Variants in KIF5B observed in about 807,000 individuals in gnomAD.
The protein encoded by KIF5B is kinesin-1 heavy chain.
In KIF5B, 49 loss-of-function variants were observed where a neutral mutation model predicts 132.8. The ratio of observed to expected loss-of-function variants is 0.37; its 90% CI spans 0.29 to 0.47. KIF5B has a LOEUF of 0.47. Ranked by LOEUF, KIF5B falls within the 20% of genes least tolerant of loss-of-function variation. KIF5B has a pLI of 1.00. For synonymous variants in KIF5B, 355 were observed against 369.4 expected (o/e 0.96, Z 0.45); for missense variants, 780 against 1,144.0 (o/e 0.68, Z 4.59).
At chr10:32,027,487 A>G (rs1237234721) in intron 15 of KIF5B, among the ~76,000 whole-genome samples, 1 of 97,866 alleles carries the variant, frequency 1.0e-5, no homozygotes, top group Non-Finnish European at 2.3e-5. Flanking sequence ...CTCTACTATT[A>G]TATGTTTGAA....
chr10:32,039,315 C>G lies in KIF5B; in HGVS notation c.393+12G>C. On this transcript the variant is annotated intron_variant, in intron 4 of 25. Coordinates refer to ENST00000302418, the MANE Select transcript of KIF5B (RefSeq NM_004521.3). Reference sequence around the variant, plus strand: ...TGTAAAATAAAATATAATCTTTCCTCAAGGAATTTACCTTAATATGAAATT... The same window carrying G: ...TGTAAAATAAAATATAATCTTTCCTGAAGGAATTTACCTTAATATGAAATT... The G allele has an allele frequency of 1.1e-6, 1 of 877,482 alleles. No homozygotes were observed. Among genetic ancestry groups the G allele is most frequent in the East Asian group, 2.6e-5 (1 of 38,816 alleles). 54.4% of individuals were successfully genotyped at this position (877,482 alleles called of 1,614,324 possible). A position where few individuals can be genotyped will look rare whatever the true frequency, so the allele number is the denominator to read the frequency against.
chr10:32,055,863 G>A lies in KIF5B; in HGVS notation c.111C>T (p.Asp37=), dbSNP rs1357981170. ...DKYIAKFQGE[D]TVVIASKPYA... ...GGTCACTCACCGCGATCACGACCGT[G>A]TCTTCTCCCTGAAACTTGGCGATGT... The change falls in exon 1 of 26, where the codon GAC becomes GAT. Residue 37 remains aspartate (D), a synonymous_variant. Transcript: ENST00000302418. 1 of 1,612,660 alleles carries A rather than the reference G, an allele frequency of 6.2e-7. No individual in the cohort carries two copies. Among genetic ancestry groups the A allele is most frequent in the African/African-American group, 1.3e-5 (1 of 74,936 alleles).
Position 32,015,527 on chromosome 10 carries a change from G to GT in KIF5B, c.*1_*2insA, listed in dbSNP as rs1174397943. The GT allele has an allele frequency of 1.2e-6, 2 of 1,607,046 alleles. No homozygotes were observed. Among genetic ancestry groups the GT allele is most frequent in the Admixed American group, 3.4e-5 (2 of 58,570 alleles). On this transcript the variant is annotated 3_prime_UTR_variant, in exon 25 of 26. Transcript: ENST00000302418. Reference sequence around the variant, plus strand: ...AACAAACCTGTGGGTATGTATAAACGATTACACTTGTTTGCCTCCTCCACC... The same window carrying GT: ...AACAAACCTGTGGGTATGTATAAACGTATTACACTTGTTTGCCTCCTCCACC...
intron 2 of KIF5B, among the ~76,000 whole-genome samples, chr10:32,044,753 C>G (rs1013524661): frequency 6.6e-6 from 1 of 152,008 alleles, no homozygotes; most frequent in African/African-American, 2.4e-5. Flanking sequence ...TTAACAACTC[C>G]TAGTACCTAT....
intron 2 of KIF5B, among the ~76,000 whole-genome samples, chr10:32,040,853 T>G (rs913111953): frequency 6.6e-6 from 1 of 151,808 alleles, no homozygotes; most frequent in African/African-American, 2.4e-5. Context: ...CTGGGCTTGG[T>G]GGCGCGTGCC....
chr10:32,021,052 G>T lies in KIF5B; in HGVS notation c.2174C>A (p.Ala725Glu). ...AAGATCAGTAATAAGTTTTGCTTTT[G>T]CTTCTACTTCATCTCTCAAACTACT... ...QISSLRDEVE[A>E]KAKLITDLQD... Residue 725 changes from alanine (A) to glutamate (E), a missense_variant, in exon 19 of 26, where the codon GCA becomes GAA. By Grantham distance (107) the Ala-to-Glu change is moderately radical. Coordinates refer to ENST00000302418, the MANE Select transcript of KIF5B (RefSeq NM_004521.3). The T allele has an allele frequency of 6.2e-7, 1 of 1,611,200 alleles. No homozygotes were observed. The highest frequency in any genetic ancestry group is 8.5e-7 in the Non-Finnish European group (1 of 1,177,662).
At chr10:32,021,186 T>C (rs760372639) in intron 18 of KIF5B, 40 bp downstream of exon 18, 1 of 1,595,810 alleles carries the variant, frequency 6.3e-7, no homozygotes, top group Non-Finnish European at 8.6e-7. Flanking sequence ...AAATTAATAC[T>C]GATTAATTAA....
rs201556800 is a variant in KIF5B at position 32,021,147 on chromosome 10, G to T, written c.2095-16C>A. 1.2e-4 allele frequency: 198 copies of T among 1,608,564 alleles called. No individual in the cohort carries two copies. The highest frequency in any genetic ancestry group is 1.6e-4 in the Middle Eastern group (1 of 6,064). ...CAACAGCTTGCTAAAATTTTGGGGG[G>T]GAAAAGGATGTTAAAGTCAGACTAA... On this transcript the variant is annotated splice_polypyrimidine_tract_variant and intron_variant, in intron 18 of 25. Coordinates refer to ENST00000302418, the MANE Select transcript of KIF5B (RefSeq NM_004521.3).
chr10:32,049,188 T>C (rs138527302), intron 1 of KIF5B, among the ~76,000 whole-genome samples: 1 of 152,342 alleles, frequency 6.6e-6, no homozygotes, highest in East Asian at 1.9e-4. Flanking sequence ...TGAGATGACA[T>C]GCTAGAATGA....
intron 2 of KIF5B, 72 bp downstream of exon 2, chr10:32,048,392 C>G: frequency 1.0e-6 from 1 of 981,106 alleles, no homozygotes; most frequent in Non-Finnish European, 1.5e-6. Context: ...AAAAAGGAAG[C>G]TGAGTAAGTA....
At chr10:32,012,075 G>A (rs1841090725) in intron 25 of KIF5B, among the ~76,000 whole-genome samples, 1 of 152,132 alleles carries the variant, frequency 6.6e-6, no homozygotes, top group African/African-American at 2.4e-5. Context: ...ACTATGCAAG[G>A]CAGAAGACTA....
At chr10:32,026,868 A>C (rs1841340900) in intron 15 of KIF5B, among the ~76,000 whole-genome samples, 1 of 152,202 alleles carries the variant, frequency 6.6e-6, no homozygotes, top group African/African-American at 2.4e-5. Context: ...AATAGGGCCG[A>C]AATGTTCAGA....
At chr10:32,034,111 ATTT>A (rs11288781) in intron 11 of KIF5B, 73 bp from the exon 12 acceptor site, 1,133 of 691,800 alleles carry the variant, frequency 1.6e-3, no homozygotes, top group East Asian at 5.0e-3. Context: ...TCCTTTAAAA[ATTT>A]TTTTTTTTTT....
intron 15 of KIF5B, among the ~76,000 whole-genome samples, chr10:32,025,906 A>G (rs1330257256): frequency 1.3e-5 from 2 of 152,374 alleles, no homozygotes; most frequent in African/African-American, 4.8e-5. Context: ...TTCCAACTAT[A>G]TAACATTTTG....
At chr10:32,033,758 G>A (rs1180470127) in intron 12 of KIF5B, 87 bp downstream of exon 12, 4 of 819,768 alleles carry the variant, frequency 4.9e-6, no homozygotes, top group Non-Finnish European at 7.8e-6. Context: ...AGTGCCCACA[G>A]CACTGAAATG....
At position 32,055,860 on chromosome 10, in the gene KIF5B, C is replaced by A; in HGVS notation, c.114G>T (p.Thr38=). The change falls in exon 1 of 26, where the codon ACG becomes ACT. Residue 38 remains threonine (T), a synonymous_variant. Transcript: ENST00000302418. ...GGGGGTCACTCACCGCGATCACGAC[C>A]GTGTCTTCTCCCTGAAACTTGGCGA... ...KYIAKFQGED[T]VVIASKPYAF... 6.2e-7 allele frequency: 1 copy of A among 1,612,694 alleles called. No individual in the cohort carries two copies. The highest frequency in any genetic ancestry group is 1.1e-5 in the South Asian group (1 of 91,076).
chr10:32,013,468 G>A (rs541958552), intron 25 of KIF5B, among the ~76,000 whole-genome samples: 1 of 152,254 alleles, frequency 6.6e-6, no homozygotes, highest in Non-Finnish European at 1.5e-5. Flanking sequence ...AGATAACTGG[G>A]CCTACTCAGT....
chr10:32,015,513 G>C lies in KIF5B; in HGVS notation c.*16C>G, dbSNP rs1350029091. ...AGCCAGATATAAATAACAAACCTGTGGGTATGTATAAACGATTACACTTGT... is the reference window on the plus strand; with the variant it reads ...AGCCAGATATAAATAACAAACCTGTCGGTATGTATAAACGATTACACTTGT... On this transcript the variant is annotated 3_prime_UTR_variant, in exon 25 of 26. Transcript: ENST00000302418. 1 of 1,561,336 alleles carries C rather than the reference G, an allele frequency of 6.4e-7. No homozygotes were observed. Among genetic ancestry groups the C allele is most frequent in the Non-Finnish European group, 8.7e-7 (1 of 1,155,056 alleles).
intron 15 of KIF5B, 119 bp from the exon 16 acceptor site, chr10:32,023,155 A>C (rs1841287834): frequency 2.1e-6 from 1 of 474,188 alleles, no homozygotes; most frequent in South Asian, 8.2e-5. Context: ...ATTCATACAA[A>C]GTCTGGATCT....
Sources: allele counts gnomAD v4.1 joint callset (sites outside exome capture counted in the v4.1 genomes callset), GRCh38; gene constraint gnomAD v4.1.1; transcripts MANE v1.5; gene names NCBI Gene and HGNC (gene_info 2026-07-23, HGNC 2026-07-21).